SYT12: variants seen among roughly 807,000 people sequenced by gnomAD.
SYT12 encodes the protein synaptotagmin 12.
A neutral mutation model predicts 39.5 loss-of-function variants in SYT12; 27 were observed. The observed-to-expected ratio is 0.68, with a 90% CI of 0.50 to 0.94. SYT12 has a LOEUF of 0.94. Among genes scored for constraint, SYT12 ranks in the 40% least tolerant of loss-of-function variants. The pLI, the probability that SYT12 is intolerant of heterozygous loss-of-function variation, is 0.00. For missense variants in SYT12, 536 were observed against 572.6 expected, an observed-to-expected ratio of 0.94 and a Z score of 0.65; for synonymous variants, 233 against 239.7, an observed-to-expected ratio of 0.97 and a Z score of 0.26.
chr11:67,019,486 A>C (rs1950086762), upstream of SYT12, among the ~76,000 whole-genome samples: 1 of 151,828 alleles, frequency 6.6e-6, no homozygotes, highest in Admixed American at 6.6e-5. Context: ...AAAAAAAAAA[A>C]ATCAGATCTC....
chr11:67,048,344 G>A (rs1344782819), intron 7 of SYT12, among the ~76,000 whole-genome samples: 1 of 151,830 alleles, frequency 6.6e-6, no homozygotes, highest in East Asian at 2.0e-4. Context: ...TGCTGCCACT[G>A]TGGAGGGAGG....
chr11:67,028,313 C>T (rs1370954119), intron 1 of SYT12: 1 of 152,210 alleles, frequency 6.6e-6, no homozygotes, highest in Non-Finnish European at 1.5e-5. Context: ...CCACTCTAGT[C>T]AGGATGGGTG....
At chr11:67,035,829 C>CTTTCTTT (rs1565337351) in intron 3 of SYT12, among the ~76,000 whole-genome samples, 15 of 99,850 alleles carry the variant, frequency 1.5e-4, no homozygotes, top group African/African-American at 5.9e-4. Flanking sequence ...TTCCTTCCTT[C>CTTTCTTT]CTTCCTTCCT....
intron 3 of SYT12, among the ~76,000 whole-genome samples, chr11:67,015,089 C>T (rs935203846): frequency 1.3e-5 from 2 of 152,200 alleles, no homozygotes; most frequent in South Asian, 2.1e-4. Context: ...TCACCCAATT[C>T]GGTCTCTCTG....
chr11:67,012,958 G>A (rs1414439116), intron 3 of SYT12, among the ~76,000 whole-genome samples: 1 of 152,116 alleles, frequency 6.6e-6, no homozygotes, highest in Non-Finnish European at 1.5e-5. Context: ...ACCTGGGGGG[G>A]GTCATCCTTT....
rs756497547 is a variant in SYT12 at position 67,034,833 on chromosome 11, G to C, written c.223G>C (p.Glu75Gln). The change falls in exon 3 of 8, where the codon GAG (glutamate) becomes CAG (glutamine). Residue 75 changes from glutamate (E) to glutamine (Q), a missense_variant. Glu to Gln is a conservative substitution (Grantham distance 29). Coordinates refer to ENST00000527043, the MANE Select transcript of SYT12 (RefSeq NM_177963.4). The stretch of plus-strand genomic sequence containing the variant: ...CGGCGAGAGCTGCGCAGAGGCCAGG[G>C]AGAAGGTGAGGCTTCTGCTCCTGCA... ...KYGESCAEAR[E>Q]KRVPAWNAQR... 9 of 1,543,666 alleles carry C rather than the reference G, an allele frequency of 5.8e-6. No individual in the cohort carries two copies. In the South Asian group the frequency reaches 1.1e-4, roughly 19 times the overall value.
intron 3 of SYT12, among the ~76,000 whole-genome samples, chr11:67,012,847 G>A (rs1950022926): frequency 6.6e-6 from 1 of 152,160 alleles, no homozygotes; most frequent in Non-Finnish European, 1.5e-5. Context: ...AACCACACGT[G>A]CTGTGTCAGA....
chr11:67,009,203 A>G (rs1043883884), intron 1 of SYT12, among the ~76,000 whole-genome samples: 2 of 151,804 alleles, frequency 1.3e-5, no homozygotes, highest in Admixed American at 1.3e-4. Context: ...ATGGGGTCTC[A>G]CTTTGTTGTC....
chr11:67,048,488 C>G (rs1178087934), intron 7 of SYT12, 96 bp from the exon 8 acceptor site: 1 of 1,373,408 alleles, frequency 7.3e-7, no homozygotes, highest in Non-Finnish European at 1.0e-6. Flanking sequence ...TGCCTGGCAC[C>G]CCACTGGGGC....
At chr11:67,046,358 G>GT (rs1854551074) in intron 7 of SYT12, among the ~76,000 whole-genome samples, 1 of 152,244 alleles carries the variant, frequency 6.6e-6, no homozygotes, top group African/African-American at 2.4e-5. Context: ...CAGACCACGG[G>GT]TGGGGCTTGA....
intron 6 of SYT12, 172 bp from the exon 7 acceptor site, chr11:67,045,570 TCA>T: frequency 1.1e-6 from 1 of 937,544 alleles, no homozygotes; most frequent in Non-Finnish European, 1.6e-6. Context: ...TGTGTGAGCC[TCA>T]GTTTTCTCAT....
intron 6 of SYT12, 122 bp from the exon 7 acceptor site, chr11:67,045,622 C>A: frequency 1.5e-6 from 2 of 1,328,384 alleles, no homozygotes; most frequent in Non-Finnish European, 2.1e-6. Flanking sequence ...AATGGCAGGG[C>A]TGCAGGAGGT....
At chr11:67,031,132 C>T (rs1243112464) in intron 2 of SYT12, 1 of 152,568 alleles carries the variant, frequency 6.6e-6, no homozygotes, top group Non-Finnish European at 1.5e-5. Flanking sequence ...ACCCTGCCCC[C>T]TACCCGTATG....
chr11:67,017,686 G>A (rs1450981104), intron 3 of SYT12, among the ~76,000 whole-genome samples: 3 of 151,584 alleles, frequency 2.0e-5, no homozygotes, highest in Non-Finnish European at 4.4e-5. Flanking sequence ...AAGGCCAGGC[G>A]CAGTGGCTGA....
chr11:67,016,446 G>A (rs903865616), intron 3 of SYT12, among the ~76,000 whole-genome samples: 1 of 152,122 alleles, frequency 6.6e-6, no homozygotes, highest in Non-Finnish European at 1.5e-5. Flanking sequence ...TTCTTGCCAG[G>A]GGTTATGAAT....
chr11:67,028,583 C>G (rs1950213808), intron 1 of SYT12: 1 of 152,200 alleles, frequency 6.6e-6, no homozygotes, highest in Non-Finnish European at 1.5e-5. Flanking sequence ...GGGGAGAACC[C>G]CGGAATTCCT....
At chr11:67,042,644 C>T (rs1005345165) in intron 4 of SYT12, among the ~76,000 whole-genome samples, 1 of 152,172 alleles carries the variant, frequency 6.6e-6, no homozygotes, top group Non-Finnish European at 1.5e-5. Context: ...AGCCCAGGCC[C>T]CCATGAGCAG....
At chr11:67,026,939 G>C (rs1202068112) in intron 1 of SYT12, 1 of 152,258 alleles carries the variant, frequency 6.6e-6, no homozygotes. Context: ...TATGTGCCAA[G>C]CCTGACTACA....
chr11:67,041,932 C>T (rs1458477847), intron 4 of SYT12, among the ~76,000 whole-genome samples: 1 of 152,202 alleles, frequency 6.6e-6, no homozygotes, highest in African/African-American at 2.4e-5. Flanking sequence ...TTAGGCTACC[C>T]TCCACACATC....
Sources: gnomAD v4.1 joint callset for allele counts (sites outside exome capture counted in the v4.1 genomes callset) on GRCh38, gnomAD v4.1.1 for gene constraint, MANE v1.5 for transcripts, NCBI Gene and HGNC (gene_info 2026-07-23, HGNC 2026-07-21) for gene names.